Variants in MAGI1 observed in about 807,000 individuals in gnomAD.
MAGI1 encodes membrane-associated guanylate kinase, WW and PDZ domain-containing protein 1.
Under a neutral mutation model 139.9 loss-of-function variants are expected in MAGI1, and 58 were observed. The ratio of observed to expected loss-of-function variants is 0.41; its 90% CI spans 0.34 to 0.52. The LOEUF (loss-of-function observed/expected upper bound fraction) is 0.52, where lower values mean the gene tolerates loss of function less well. Among genes scored for constraint, MAGI1 ranks in the 20% least tolerant of loss-of-function variants. MAGI1 has a pLI of 0.12. For missense variants in MAGI1, 1,874 were observed against 1,901.6 expected (o/e 0.99, Z 0.27); for synonymous variants, 812 against 737.9 (o/e 1.10, Z -1.63).
intron 12 of MAGI1, among the ~76,000 whole-genome samples, chr3:65,417,889 C>G (rs1413299113): frequency 1.3e-5 from 2 of 152,104 alleles, no homozygotes; most frequent in African/African-American, 4.8e-5. Flanking sequence ...CAGTTGGTAA[C>G]TTTAAATCCT....
chr3:65,390,868 C>A (rs1221649033), intron 14 of MAGI1, among the ~76,000 whole-genome samples: 1 of 152,178 alleles, frequency 6.6e-6, no homozygotes, highest in African/African-American at 2.4e-5. Flanking sequence ...CTCTTATCTA[C>A]CATTCCTTTT....
intron 1 of MAGI1, among the ~76,000 whole-genome samples, chr3:65,799,177 T>C (rs539411337): frequency 4.6e-5 from 7 of 152,228 alleles, no homozygotes; most frequent in African/African-American, 1.7e-4. Context: ...GAAACTGTAA[T>C]GAAGGAAAAA....
At chr3:65,705,580 AT>A (rs1305499133) in intron 1 of MAGI1, among the ~76,000 whole-genome samples, 1 of 152,246 alleles carries the variant, frequency 6.6e-6, no homozygotes, top group Non-Finnish European at 1.5e-5. Context: ...GGGAGCAGCC[AT>A]GAGTATCACA....
intron 2 of MAGI1, among the ~76,000 whole-genome samples, chr3:65,534,767 C>A (rs1269689813): frequency 6.6e-6 from 1 of 152,186 alleles, no homozygotes; most frequent in South Asian, 2.1e-4. Context: ...TGGCTGCCTC[C>A]AAATTCAATC....
At chr3:65,914,024 T>C (rs2061784713) in intron 1 of MAGI1, 1 of 152,110 alleles carries the variant, frequency 6.6e-6, no homozygotes, top group African/African-American at 2.4e-5. Flanking sequence ...GAAAAGAGGA[T>C]CTTAGACCCT....
intron 16 of MAGI1, among the ~76,000 whole-genome samples, chr3:65,379,969 C>T (rs1162461815): frequency 6.6e-6 from 1 of 152,222 alleles, no homozygotes; most frequent in Non-Finnish European, 1.5e-5. Context: ...CTTGGATGCA[C>T]GTTCACATTG....
rs148022671 is a variant in MAGI1, at chr3:65,611,845, T to C, written c.430+10127A>G. ...ACTGAGCTGCAGTCCTATTCGATAA[T>C]TGTAAGCCAAGCCACTTAACTTTAT... On this transcript the variant is annotated intron_variant, in intron 2 of 22. Coordinates refer to ENST00000402939, the MANE Select transcript of MAGI1 (RefSeq NM_001033057.2). Among the ~76,000 whole-genome samples, 580 of 151,672 alleles carry C rather than the reference T, an allele frequency of 3.8e-3. 8 individuals are homozygous for C. Among genetic ancestry groups the C allele is most frequent in the African/African-American group, 0.013 (557 of 41,396 alleles).
rs58391331 is a variant in MAGI1, at chr3:65,846,976, C to CAAAAAAAAAAAAAAAAAA, written c.313+191002_313+191019dup. ...GATTACAAAGAATAGCAATGTCTTACAAAAAAAAAAAAAAAAAAAACCCTA... is the reference window on the plus strand; with the variant it reads ...GATTACAAAGAATAGCAATGTCTTACAAAAAAAAAAAAAAAAAAAAAAAAAAAAAAAAAAAAAACCCTA... On this transcript the variant is annotated intron_variant, in intron 1 of 22. Transcript: ENST00000402939. Among the ~76,000 whole-genome samples the CAAAAAAAAAAAAAAAAAA allele has an allele frequency of 1.8e-3, 145 of 80,956 alleles. 10 individuals are homozygous for CAAAAAAAAAAAAAAAAAA. Among genetic ancestry groups the CAAAAAAAAAAAAAAAAAA allele is most frequent in the African/African-American group, 5.9e-3 (120 of 20,246 alleles). 53.1% of individuals were successfully genotyped at this position (80,956 alleles called of 152,430 possible).
chr3:65,895,411 C>A (rs2060928177), intron 1 of MAGI1, among the ~76,000 whole-genome samples: 1 of 152,218 alleles, frequency 6.6e-6, no homozygotes, highest in Non-Finnish European at 1.5e-5. Context: ...GTTTGTGTGA[C>A]ACCTTCAGGT....
intron 2 of MAGI1, among the ~76,000 whole-genome samples, chr3:65,557,627 T>G (rs2080149138): frequency 6.6e-6 from 1 of 152,230 alleles, no homozygotes; most frequent in South Asian, 2.1e-4. Context: ...TCTTGTGGAA[T>G]CTTGCTCCTT....
intron 2 of MAGI1, 134 bp downstream of exon 2, chr3:65,621,838 A>G: frequency 1.6e-6 from 1 of 619,138 alleles, no homozygotes; most frequent in South Asian, 2.0e-5. Flanking sequence ...GATTTGCTTG[A>G]GTTAAGGAGT....
At chr3:65,709,695 C>A (rs1250439452) in intron 1 of MAGI1, among the ~76,000 whole-genome samples, 1 of 152,204 alleles carries the variant, frequency 6.6e-6, no homozygotes, top group African/African-American at 2.4e-5. Context: ...CACATTGACA[C>A]CCAATTTTGC....
At chr3:65,607,418 T>C (rs948034064) in intron 2 of MAGI1, among the ~76,000 whole-genome samples, 2 of 152,046 alleles carry the variant, frequency 1.3e-5, no homozygotes, top group African/African-American at 2.4e-5. Context: ...ACCTTCAACA[T>C]CATCCTCACT....
intron 1 of MAGI1, among the ~76,000 whole-genome samples, chr3:65,973,697 T>C (rs1393672981): frequency 1.3e-5 from 2 of 152,334 alleles, no homozygotes; most frequent in East Asian, 3.9e-4. Flanking sequence ...ATCCATAAAA[T>C]AGGGATAATA....
At chr3:65,955,011 T>C (rs1325907023) in intron 1 of MAGI1, among the ~76,000 whole-genome samples, 2 of 152,192 alleles carry the variant, frequency 1.3e-5, no homozygotes, top group Non-Finnish European at 2.9e-5. Context: ...ATCATGCAGT[T>C]AGCAAAAGAC....
intron 1 of MAGI1, among the ~76,000 whole-genome samples, chr3:65,906,415 C>T (rs1459216781): frequency 6.6e-6 from 1 of 152,180 alleles, no homozygotes; most frequent in Admixed American, 6.5e-5. Flanking sequence ...AGGGCTGAAC[C>T]ACAGCAAGGG....
At chr3:65,938,350 A>G (rs2063158309) in intron 1 of MAGI1, among the ~76,000 whole-genome samples, 1 of 148,284 alleles carries the variant, frequency 6.7e-6, no homozygotes, top group Admixed American at 6.8e-5. Flanking sequence ...TAAATGAACT[A>G]ATATAAATAT....
At chr3:65,860,137 C>T (rs746305207) in intron 1 of MAGI1, among the ~76,000 whole-genome samples, 1 of 152,002 alleles carries the variant, frequency 6.6e-6, no homozygotes, top group Non-Finnish European at 1.5e-5. Context: ...CTCAGGTGAT[C>T]CACCTGCCTA....
At chr3:65,645,147 A>G (rs1352503152) in intron 1 of MAGI1, among the ~76,000 whole-genome samples, 1 of 152,126 alleles carries the variant, frequency 6.6e-6, no homozygotes, top group Non-Finnish European at 1.5e-5. Flanking sequence ...CATTTACTTA[A>G]AGAAATAATG....
Sources: allele counts gnomAD v4.1 joint callset (sites outside exome capture counted in the v4.1 genomes callset), GRCh38; gene constraint gnomAD v4.1.1; transcripts MANE v1.5; gene names NCBI Gene and HGNC (gene_info 2026-07-23, HGNC 2026-07-21).